The following CYP7B1 variants were observed in gnomAD, a reference collection of about 807,000 sequenced individuals.
CYP7B1 encodes cytochrome P450 7B1.
Under a neutral mutation model 42.7 loss-of-function variants are expected in CYP7B1, and 29 were observed. The observed-to-expected ratio is 0.68, with a 90% CI of 0.51 to 0.93. CYP7B1 has a LOEUF of 0.93. CYP7B1 is among the 40% of genes least tolerant of loss of function. The probability of loss-of-function intolerance (pLI) is 0.00; values close to 1 mark genes in which losing one functional copy is unlikely to be tolerated. For missense variants in CYP7B1, 655 were observed against 600.5 expected (o/e 1.09, Z -0.95); for synonymous variants, 235 against 218.2 (o/e 1.08, Z -0.68).
intron 1 of CYP7B1, among the ~76,000 whole-genome samples, chr8:64,679,674 C>G (rs1188294606): frequency 6.6e-6 from 1 of 152,060 alleles, no homozygotes; most frequent in Non-Finnish European, 1.5e-5. Flanking sequence ...TTAGGAAAAC[C>G]AGCCTATCTT....
intron 1 of CYP7B1, among the ~76,000 whole-genome samples, chr8:64,692,384 A>G (rs184924894): frequency 2.6e-5 from 4 of 152,330 alleles, no homozygotes; most frequent in Admixed American, 2.6e-4. Flanking sequence ...TCAGACTCCA[A>G]GCTGTTGAAG....
chr8:64,624,527 C>T lies in CYP7B1; in HGVS notation c.135G>A (p.Glu45=), dbSNP rs753231826. ...LLVRRTRRPG[E]PPLIKGWLPY... Reference sequence around the variant, plus strand: ...GAAGCCAACCTTTTATCAATGGAGGCTCACCGGGTCTCCTACAAGGAAAAA... The same window carrying T: ...GAAGCCAACCTTTTATCAATGGAGGTTCACCGGGTCTCCTACAAGGAAAAA... The change falls in exon 2 of 6, where the codon GAG becomes GAA. Residue 45 remains glutamate, a synonymous_variant. Transcript: ENST00000310193. The T allele has an allele frequency of 1.9e-6, 3 of 1,613,006 alleles. No individual in the cohort carries two copies. The African/African-American group carries it at 4.0e-5, about 22-fold the overall frequency.
intron 1 of CYP7B1, among the ~76,000 whole-genome samples, chr8:64,763,331 G>T (rs1392141030): frequency 6.6e-6 from 1 of 152,148 alleles, no homozygotes; most frequent in East Asian, 1.9e-4. Flanking sequence ...TCACCTCATG[G>T]CCTAAGGTTC....
At chr8:64,743,264 C>A (rs1807595802) in intron 1 of CYP7B1, among the ~76,000 whole-genome samples, 1 of 152,012 alleles carries the variant, frequency 6.6e-6, no homozygotes. Flanking sequence ...AAAAGGGATG[C>A]TAGAAATAAT....
rs1655748417 is a variant in CYP7B1, at chr8:64,593,432, A to C, written c.*3210T>G. On this transcript the variant is annotated 3_prime_UTR_variant, in exon 6 of 6. Transcript: ENST00000310193. ...GCTCCGGGTAAAAATAAACAAAAAA[A>C]TGAACCCCCAAATGTGTCCCCTGTC... Among the ~76,000 whole-genome samples the C allele has an allele frequency of 6.6e-6, 1 of 152,188 alleles. No homozygotes were observed. The highest frequency in any genetic ancestry group is 6.5e-5 in the Admixed American group (1 of 15,284).
At chr8:64,661,379 G>C (rs1776200064) in intron 1 of CYP7B1, among the ~76,000 whole-genome samples, 1 of 152,182 alleles carries the variant, frequency 6.6e-6, no homozygotes, top group Admixed American at 6.5e-5. Flanking sequence ...CTTCCTGAAA[G>C]TTAGCTTCCG....
chr8:64,705,592 TG>T (rs1347891908), intron 1 of CYP7B1, among the ~76,000 whole-genome samples: 1 of 148,106 alleles, frequency 6.8e-6, no homozygotes, highest in Admixed American at 6.7e-5. Flanking sequence ...TAAGATTTTT[TG>T]GGGGTGAGGG....
At chr8:64,714,640 A>C (rs186852459) in intron 1 of CYP7B1, among the ~76,000 whole-genome samples, 6 of 152,292 alleles carry the variant, frequency 3.9e-5, no homozygotes, top group Non-Finnish European at 7.4e-5. Flanking sequence ...ATTGATCAGG[A>C]AGTCTAAGGT....
At chr8:64,641,295 C>T (rs1366614542) in intron 1 of CYP7B1, among the ~76,000 whole-genome samples, 1 of 152,164 alleles carries the variant, frequency 6.6e-6, no homozygotes, top group Non-Finnish European at 1.5e-5. Context: ...AATTGACTTA[C>T]ATCAAATCCT....
chr8:64,657,256 A>G (rs1806134425), intron 1 of CYP7B1, among the ~76,000 whole-genome samples: 2 of 152,128 alleles, frequency 1.3e-5, no homozygotes, highest in South Asian at 2.1e-4. Flanking sequence ...CCTAGAACAG[A>G]AACTGTTTTT....
chr8:64,644,272 A>AC (rs1160878266), intron 1 of CYP7B1, among the ~76,000 whole-genome samples: 1 of 120,654 alleles, frequency 8.3e-6, no homozygotes, highest in East Asian at 2.9e-4. Context: ...ACTCCATCTC[A>AC]AAAAAAAAAA....
chr8:64,596,876 GA>G lies in CYP7B1; in HGVS notation c.1286del (p.Phe429SerfsTer7). 6.2e-7 allele frequency: 1 copy of G among 1,613,294 alleles called. No homozygotes were observed. The highest frequency in any genetic ancestry group is 8.5e-7 in the Non-Finnish European group (1 of 1,179,648). ...IEDGKKKTTF[F>X]KRGKKLKCYL... The stretch of plus-strand genomic sequence containing the variant: ...AACACTTCAGCTTTTTCCCTCTTTT[GA>G]AAAAGGTGGTTTTCTTCTTACCATC... On this transcript the variant is annotated frameshift_variant, in exon 6 of 6. Transcript: ENST00000310193. LOFTEE classifies it low-confidence loss of function (END_TRUNC).
chr8:64,724,015 C>A (rs1210278608), intron 1 of CYP7B1, among the ~76,000 whole-genome samples: 1 of 151,846 alleles, frequency 6.6e-6, no homozygotes, highest in African/African-American at 2.4e-5. Flanking sequence ...AAACAAAGTT[C>A]TGAACAGATC....
At chr8:64,688,094 T>A (rs548409287) in intron 1 of CYP7B1, among the ~76,000 whole-genome samples, 3 of 152,216 alleles carry the variant, frequency 2.0e-5, no homozygotes, top group African/African-American at 7.2e-5. Flanking sequence ...TAAACACATA[T>A]GTTTCAGCAT....
Position 64,592,042 on chromosome 8 carries a change from G to T in CYP7B1, c.*4600C>A, listed in dbSNP as rs145145491. ...GTCTCCACTAAAAATACAAAAGTTGGTCAGGCATAGTGGTGGGTGCCTGTA... is the reference window on the plus strand; with the variant it reads ...GTCTCCACTAAAAATACAAAAGTTGTTCAGGCATAGTGGTGGGTGCCTGTA... On this transcript the variant is annotated 3_prime_UTR_variant, in exon 6 of 6. Coordinates refer to ENST00000310193, the MANE Select transcript of CYP7B1 (RefSeq NM_004820.5). 7.3e-4 allele frequency among the ~76,000 whole-genome samples: 111 copies of T among 152,020 alleles called. No homozygotes were observed. The highest frequency in any genetic ancestry group is 2.4e-3 in the African/African-American group (98 of 41,470).
chr8:64,635,193 G>A (rs1805752596), intron 1 of CYP7B1, among the ~76,000 whole-genome samples: 1 of 152,190 alleles, frequency 6.6e-6, no homozygotes, highest in South Asian at 2.1e-4. Context: ...TCAGACTGAT[G>A]TAATCTCTTC....
intron 1 of CYP7B1, among the ~76,000 whole-genome samples, chr8:64,753,748 G>C (rs1244617956): frequency 3.3e-5 from 5 of 152,210 alleles, no homozygotes; most frequent in Non-Finnish European, 5.9e-5. Flanking sequence ...CAGGGTGAGA[G>C]GACTGCTTTA....
intron 1 of CYP7B1, among the ~76,000 whole-genome samples, chr8:64,775,786 G>A (rs1804315070): frequency 6.6e-6 from 1 of 152,064 alleles, no homozygotes; most frequent in South Asian, 2.1e-4. Context: ...CCATCATGAA[G>A]TCAGAAAAAG....
chr8:64,769,422 A>C (rs1041664024), intron 1 of CYP7B1, among the ~76,000 whole-genome samples: 3 of 152,196 alleles, frequency 2.0e-5, no homozygotes, highest in Non-Finnish European at 2.9e-5. Flanking sequence ...TGTTAGAAAA[A>C]AAATAAAGTC....
Sources: allele counts gnomAD v4.1 joint callset (sites outside exome capture counted in the v4.1 genomes callset), GRCh38; gene constraint gnomAD v4.1.1; transcripts MANE v1.5; gene names NCBI Gene and HGNC (gene_info 2026-07-23, HGNC 2026-07-21).